The following NSG1 variants were observed in gnomAD, a reference collection of about 807,000 sequenced individuals.
NSG1 encodes the protein neuronal vesicle trafficking-associated protein 1.
Under a neutral mutation model 19.3 loss-of-function variants are expected in NSG1, and 9 were observed. The observed-to-expected ratio is 0.47, with a 90% CI of 0.28 to 0.81. The LOEUF (loss-of-function observed/expected upper bound fraction) is 0.81, where lower values mean the gene tolerates loss of function less well. Ranked by LOEUF, NSG1 falls within the 40% of genes least tolerant of loss-of-function variation. The probability of loss-of-function intolerance (pLI) is 0.11; values close to 1 mark genes in which losing one functional copy is unlikely to be tolerated. For missense variants in NSG1, 236 were observed against 242.4 expected (o/e 0.97, Z 0.18); for synonymous variants, 104 against 107.0 (o/e 0.97, Z 0.17).
intron 3 of NSG1, among the ~76,000 whole-genome samples, chr4:4,409,268 G>A (rs906664574): frequency 5.9e-5 from 9 of 152,266 alleles, no homozygotes; most frequent in African/African-American, 2.2e-4. Flanking sequence ...CCCGAGAGCT[G>A]CCTGGGCAAC....
chr4:4,391,996 C>T (rs1723018708), intron 3 of NSG1, among the ~76,000 whole-genome samples: 1 of 152,226 alleles, frequency 6.6e-6, no homozygotes, highest in Non-Finnish European at 1.5e-5. Flanking sequence ...AGCCCTTTAC[C>T]TAGTGAGCTC....
chr4:4,415,233 C>G (rs1724458199), intron 4 of NSG1, among the ~76,000 whole-genome samples: 2 of 152,274 alleles, frequency 1.3e-5, no homozygotes, highest in South Asian at 4.1e-4. Flanking sequence ...TTTTCCAGTG[C>G]TGACTGAGTG....
rs555344540 is a variant in NSG1 at position 4,413,600 on chromosome 4, G to A, written c.358-3635G>A. Among the ~76,000 whole-genome samples the A allele has an allele frequency of 3.6e-4, 54 of 151,196 alleles. No individual in the cohort carries two copies. In the Middle Eastern group the frequency reaches 0.01, roughly 29 times the overall value. ...AGAGGGAGCAGCGGGCAGTGGGGAC[G>A]TGCTGGTGGGGGTGTGCTGGTGGGG... On this transcript the variant is annotated intron_variant, in intron 4 of 4. Coordinates refer to ENST00000621129, the MANE Select transcript of NSG1 (RefSeq NM_014392.5).
intron 2 of NSG1, among the ~76,000 whole-genome samples, chr4:4,391,157 C>T (rs1016981493): frequency 2.0e-5 from 3 of 152,210 alleles, no homozygotes; most frequent in African/African-American, 7.2e-5. Context: ...GTGGAAGGAG[C>T]ACTGGGTTAG....
chr4:4,403,489 G>A (rs1436694763), intron 3 of NSG1, among the ~76,000 whole-genome samples: 13 of 152,156 alleles, frequency 8.5e-5, no homozygotes, highest in Admixed American at 3.9e-4. Flanking sequence ...TCTTCAAGTC[G>A]CCGCCTCCTC....
intron 4 of NSG1, among the ~76,000 whole-genome samples, chr4:4,411,843 AGAGTT>A (rs990154669): frequency 1.3e-5 from 2 of 150,570 alleles, no homozygotes; most frequent in Non-Finnish European, 2.9e-5. Flanking sequence ...AAGCTCTTTT[AGAGTT>A]AACTTTTTTT....
chr4:4,410,825 T>G (rs73084377), intron 4 of NSG1, among the ~76,000 whole-genome samples: 6,714 of 152,206 alleles, frequency 0.044, 490 homozygotes, highest in African/African-American at 0.15. Flanking sequence ...CAGTAATAAA[T>G]TAACCTGAGC....
intron 3 of NSG1, among the ~76,000 whole-genome samples, chr4:4,408,239 C>T (rs1335729871): frequency 6.6e-6 from 1 of 152,120 alleles, no homozygotes; most frequent in Non-Finnish European, 1.5e-5. Context: ...ACCTTGTTGG[C>T]TGTAGGGTCT....
At chr4:4,403,088 T>C (rs1723654362) in intron 3 of NSG1, among the ~76,000 whole-genome samples, 1 of 152,130 alleles carries the variant, frequency 6.6e-6, no homozygotes, top group Non-Finnish European at 1.5e-5. Flanking sequence ...TATCTGCTGG[T>C]TGTACTCACT....
Position 4,417,436 on chromosome 4 carries a change from C to A in NSG1, c.*1C>A. ...TGAAGCGGCTGAGAAGTCAGCTTAGCGGGATGGGCAAGTTCCTTACAATGT... is the reference window on the plus strand; with the variant it reads ...TGAAGCGGCTGAGAAGTCAGCTTAGAGGGATGGGCAAGTTCCTTACAATGT... On this transcript the variant is annotated 3_prime_UTR_variant, in exon 5 of 5. Coordinates refer to ENST00000621129, the MANE Select transcript of NSG1 (RefSeq NM_014392.5). 6.2e-7 allele frequency: 1 copy of A among 1,613,972 alleles called. No individual in the cohort carries two copies. Among genetic ancestry groups the A allele is most frequent in the Non-Finnish European group, 8.5e-7 (1 of 1,179,870 alleles).
chr4:4,415,717 G>C (rs1724493265), intron 4 of NSG1: 1 of 158,582 alleles, frequency 6.3e-6, no homozygotes, highest in African/African-American at 2.5e-5. Flanking sequence ...GCCCTGAGCG[G>C]GGCCGCCACT....
intron 4 of NSG1, among the ~76,000 whole-genome samples, chr4:4,414,871 C>T (rs1281886566): frequency 2.0e-5 from 3 of 151,936 alleles, no homozygotes; most frequent in Non-Finnish European, 2.9e-5. Flanking sequence ...CTCCCAGTGG[C>T]CCCAAGCTGA....
Position 4,391,480 on chromosome 4 carries a change from C to T in NSG1, c.135C>T (p.Val45=), listed in dbSNP as rs138004441. 137 of 1,605,326 alleles carry T rather than the reference C, an allele frequency of 8.5e-5. No homozygotes were observed. The highest frequency in any genetic ancestry group is 3.1e-4 in the Admixed American group (18 of 58,142). Residue 45 remains valine (V), a synonymous_variant, in exon 3 of 5, where the codon GTC becomes GTT. Coordinates refer to ENST00000621129, the MANE Select transcript of NSG1 (RefSeq NM_014392.5). ...QLQFPPPDKV[V]VKTKTEYEPD... The stretch of plus-strand genomic sequence containing the variant: ...TTCTCTGTTTCCTGGATAAGGTGGT[C>T]GTGAAAACTAAGACCGAGTATGAAC...
intron 4 of NSG1, among the ~76,000 whole-genome samples, chr4:4,416,366 G>T (rs1220020880): frequency 6.6e-6 from 1 of 152,166 alleles, no homozygotes; most frequent in Non-Finnish European, 1.5e-5. Flanking sequence ...GGCCTTGCAG[G>T]TATAAAGTAT....
intron 3 of NSG1, among the ~76,000 whole-genome samples, chr4:4,406,640 A>G (rs1046717817): frequency 6.6e-6 from 1 of 152,066 alleles, no homozygotes; most frequent in African/African-American, 2.4e-5. Context: ...AGTGAGGATA[A>G]CAGCAGCGAC....
chr4:4,414,084 C>G (rs947831302), intron 4 of NSG1, among the ~76,000 whole-genome samples: 1 of 152,086 alleles, frequency 6.6e-6, no homozygotes, highest in Non-Finnish European at 1.5e-5. Context: ...GTGGCTTCAC[C>G]AGCTGCCCTG....
chr4:4,408,121 AG>A (rs1723966226), intron 3 of NSG1, among the ~76,000 whole-genome samples: 1 of 152,226 alleles, frequency 6.6e-6, no homozygotes, highest in East Asian at 1.9e-4. Flanking sequence ...CTCCAAGCCT[AG>A]AGTTCCTGAA....
At chr4:4,390,384 G>A (rs547777069) in intron 2 of NSG1, among the ~76,000 whole-genome samples, 6 of 152,340 alleles carry the variant, frequency 3.9e-5, no homozygotes, top group South Asian at 2.1e-4. Flanking sequence ...AATGGGCTCC[G>A]CTGTTCTTTC....
intron 3 of NSG1, among the ~76,000 whole-genome samples, chr4:4,393,268 G>A (rs547300065): frequency 6.6e-6 from 1 of 152,332 alleles, no homozygotes; most frequent in East Asian, 1.9e-4. Context: ...TCCTTCATCT[G>A]TTGAGTGTCT....
Sources: gnomAD v4.1 joint callset for allele counts (sites outside exome capture counted in the v4.1 genomes callset) on GRCh38, gnomAD v4.1.1 for gene constraint, MANE v1.5 for transcripts, NCBI Gene and HGNC (gene_info 2026-07-23, HGNC 2026-07-21) for gene names.